STK38: variants seen among roughly 807,000 people sequenced by gnomAD.
STK38 encodes serine/threonine kinase 38.
STK38 carries 26 observed loss-of-function variants against 59.0 expected under a neutral mutation model. The ratio of observed to expected loss-of-function variants is 0.44; its 90% confidence interval spans 0.32 to 0.61. STK38 has a LOEUF of 0.61. STK38 is among the 20% of genes least tolerant of loss of function. The pLI is 0.04. For missense variants in STK38, 433 were observed against 566.0 expected, an observed-to-expected ratio of 0.76 and a Z score of 2.38; for synonymous variants, 175 against 176.6, an observed-to-expected ratio of 0.99 and a Z score of 0.07.
chr6:36,499,722 C>T (rs922831459), intron 10 of STK38, 151 bp downstream of exon 10: 1 of 685,550 alleles, frequency 1.5e-6, no homozygotes, highest in Non-Finnish European at 2.6e-6. Flanking sequence ...ATACATCTTA[C>T]TGAAAGAGGT....
chr6:36,505,596 C>A (rs915438680), intron 9 of STK38, among the ~76,000 whole-genome samples: 1 of 152,170 alleles, frequency 6.6e-6, no homozygotes, highest in African/African-American at 2.4e-5. Flanking sequence ...CAGTATTTTA[C>A]TAGGAATTCT....
chr6:36,525,469 C>T (rs1777488551), intron 3 of STK38, 122 bp downstream of exon 3: 1 of 760,850 alleles, frequency 1.3e-6, no homozygotes, highest in African/African-American at 1.8e-5. Flanking sequence ...AGCACACTAC[C>T]CCTCAAGTTC....
At chr6:36,544,243 T>C (rs1160844297) in intron 1 of STK38, among the ~76,000 whole-genome samples, 1 of 152,050 alleles carries the variant, frequency 6.6e-6, no homozygotes, top group South Asian at 2.1e-4. Flanking sequence ...TACCTTACTA[T>C]AAAATATCAC....
At chr6:36,525,787 G>A in intron 2 of STK38, 145 bp from the exon 3 acceptor site, 1 of 616,696 alleles carries the variant, frequency 1.6e-6, no homozygotes, top group Non-Finnish European at 2.7e-6. Context: ...AAAAAATTAA[G>A]TTACTAAGAC....
intron 2 of STK38, among the ~76,000 whole-genome samples, chr6:36,526,127 C>T (rs1050699895): frequency 6.6e-6 from 1 of 152,052 alleles, no homozygotes. Context: ...CACCATGCCC[C>T]GCCCTTAGGT....
intron 2 of STK38, among the ~76,000 whole-genome samples, chr6:36,538,734 A>G (rs1210175454): frequency 6.6e-6 from 1 of 151,992 alleles, no homozygotes. Flanking sequence ...TCTACTAAAA[A>G]TACAAAAATT....
intron 1 of STK38, among the ~76,000 whole-genome samples, chr6:36,542,365 C>T (rs1777958563): frequency 6.6e-6 from 1 of 152,104 alleles, no homozygotes; most frequent in Non-Finnish European, 1.5e-5. Context: ...ACCTGAATCA[C>T]GATTCTAGTG....
At chr6:36,532,946 C>T (rs1777701886) in intron 2 of STK38, among the ~76,000 whole-genome samples, 1 of 151,532 alleles carries the variant, frequency 6.6e-6, no homozygotes, top group Non-Finnish European at 1.5e-5. Context: ...GTGGCGTGCT[C>T]CTGTAATCCC....
At chr6:36,537,813 C>T (rs6939445) in intron 2 of STK38, among the ~76,000 whole-genome samples, 36,124 of 151,280 alleles carry the variant, frequency 0.24, 4,528 homozygotes, top group East Asian at 0.39. Flanking sequence ...GCAGGAGGAT[C>T]GCTTGAGCCT....
intron 4 of STK38, 71 bp from the exon 5 acceptor site, chr6:36,521,888 G>A (rs981180562): frequency 5.7e-6 from 7 of 1,222,460 alleles, no homozygotes; most frequent in Non-Finnish European, 8.1e-6. Flanking sequence ...TGTGTTATAG[G>A]ATGCAATAAT....
At chr6:36,527,535 G>A (rs981831792) in intron 2 of STK38, among the ~76,000 whole-genome samples, 5 of 149,926 alleles carry the variant, frequency 3.3e-5, no homozygotes, top group African/African-American at 1.2e-4. Context: ...CTCAGATGTC[G>A]GAGTGAGACT....
chr6:36,507,371 G>GC, intron 8 of STK38, 129 bp downstream of exon 8: 1 of 773,494 alleles, frequency 1.3e-6, no homozygotes, highest in Non-Finnish European at 2.2e-6. Flanking sequence ...GGCAAACCTG[G>GC]GAAGGTATTT....
chr6:36,529,292 T>G (rs773027089), intron 2 of STK38, among the ~76,000 whole-genome samples: 11 of 152,050 alleles, frequency 7.2e-5, no homozygotes, highest in Non-Finnish European at 1.5e-4. Context: ...AAAAACAAAA[T>G]GGGATAGATG....
chr6:36,512,477 A>AAGGG (rs1270557765), intron 7 of STK38, among the ~76,000 whole-genome samples: 3 of 152,216 alleles, frequency 2.0e-5, no homozygotes, highest in Non-Finnish European at 4.4e-5. Context: ...GTGCTTTATT[A>AAGGG]AACATATATC....
intron 5 of STK38, among the ~76,000 whole-genome samples, chr6:36,519,912 G>A (rs759318060): frequency 6.6e-6 from 1 of 152,030 alleles, no homozygotes; most frequent in East Asian, 1.9e-4. Flanking sequence ...TTTCCACCAC[G>A]TGGAGCAGAA....
At chr6:36,505,051 C>A (rs1776932780) in intron 9 of STK38, among the ~76,000 whole-genome samples, 1 of 152,118 alleles carries the variant, frequency 6.6e-6, no homozygotes, top group Admixed American at 6.5e-5. Flanking sequence ...ATAACCTCTT[C>A]AGTGGAGGTT....
intron 9 of STK38, among the ~76,000 whole-genome samples, chr6:36,504,898 C>CAAAAAAAAAAAAAAAAAAA (rs562032331): frequency 2.0e-4 from 13 of 64,062 alleles, no homozygotes; most frequent in South Asian, 5.8e-4. Flanking sequence ...TCCTGGCCTC[C>CAAAAAAAAAAAAAAAAAAA]AAAAAAAAAA....
intron 4 of STK38, among the ~76,000 whole-genome samples, chr6:36,522,729 G>A (rs1042791433): frequency 1.3e-5 from 2 of 151,448 alleles, no homozygotes; most frequent in African/African-American, 4.9e-5. Context: ...GGTGGCAGGT[G>A]CCTGTAATCC....
At chr6:36,521,648 A>T in intron 5 of STK38, 86 bp downstream of exon 5, 1 of 972,360 alleles carries the variant, frequency 1.0e-6, no homozygotes, top group Non-Finnish European at 1.5e-6. Context: ...AACTGTAATA[A>T]AAATATATAT....
Sources: gnomAD v4.1 joint callset for allele counts (sites outside exome capture counted in the v4.1 genomes callset) on GRCh38, gnomAD v4.1.1 for gene constraint, MANE v1.5 for transcripts, NCBI Gene and HGNC (gene_info 2026-07-23, HGNC 2026-07-21) for gene names.